HIVEP1: variants seen among roughly 807,000 people sequenced by gnomAD.
HIVEP1 encodes HIVEP zinc finger 1, also known as zinc finger protein 40.
HIVEP1 carries 36 observed loss-of-function variants against 180.0 expected under a neutral mutation model. The observed-to-expected ratio is 0.20, with a 90% confidence interval of 0.15 to 0.26. The LOEUF is 0.26. Among genes scored for constraint, HIVEP1 ranks in the 10% least tolerant of loss-of-function variants. The pLI, the probability that HIVEP1 is intolerant of heterozygous loss-of-function variation, is 1.00. For synonymous variants in HIVEP1, 1,239 were observed against 1,239.0 expected, an observed-to-expected ratio of 1.00 and a Z score of 0.00; for missense variants, 3,143 against 3,268.7, an observed-to-expected ratio of 0.96 and a Z score of 0.94.
chr6:12,099,183 G>GGTTTTTTTTTTTTTTTTTT (rs373744044), intron 3 of HIVEP1, among the ~76,000 whole-genome samples: 8 of 138,458 alleles, frequency 5.8e-5, no homozygotes, highest in African/African-American at 2.2e-4. Context: ...ATGTCACTGA[G>GGTTTTTTTTTTTTTTTTTT]TTTTTTTTTT....
At chr6:12,184,022 TAGACAGACAGACAGAC>T in the HIVEP1 span, among the ~76,000 whole-genome samples, 3,090 of 101,950 alleles carry the variant, frequency 0.03, 104 homozygotes, top group African/African-American at 0.09. Context: ...GATAGATAGA[TAGACAGACAGACAGAC>T]AGACAGACAG....
intron 2 of HIVEP1, among the ~76,000 whole-genome samples, chr6:12,037,381 G>A (rs1277653088): frequency 6.6e-6 from 1 of 152,190 alleles, no homozygotes; most frequent in Non-Finnish European, 1.5e-5. Context: ...GTTTCTTCGT[G>A]TGTTTGCTAC....
Position 12,123,930 on chromosome 6 carries a change from G to A in HIVEP1, c.4135G>A (p.Glu1379Lys), listed in dbSNP as rs746482288. The A allele has an allele frequency of 6.2e-7, 1 of 1,614,116 alleles. No individual in the cohort carries two copies. Among genetic ancestry groups the A allele is most frequent in the Non-Finnish European group, 8.5e-7 (1 of 1,179,980 alleles). ...GATTAATTGCACGCAAACGTCAATG[G>A]AGGTCTCTGATCTCAGAAGCAAATC... is the stretch of plus-strand genomic sequence containing the variant. ...EQINCTQTSMEVSDLRSKSFD... is the reference protein window; with the variant it reads ...EQINCTQTSMKVSDLRSKSFD... Residue 1379 changes from glutamate (E) to lysine (K), a missense_variant, in exon 4 of 9, where the codon GAG becomes AAG. By Grantham distance (56) the Glu-to-Lys change is moderately conservative (BLOSUM62 1). Coordinates refer to ENST00000379388, the MANE Select transcript of HIVEP1 (RefSeq NM_002114.4).
chr6:12,188,160 TAATC>T, the HIVEP1 span, among the ~76,000 whole-genome samples: 2 of 152,172 alleles, frequency 1.3e-5, no homozygotes, highest in East Asian at 3.9e-4. Context: ...AGATATTAGT[TAATC>T]AAACCAAAGT....
At position 12,120,350 on chromosome 6, in the gene HIVEP1, C is replaced by T. The variant is rs1489092274; in HGVS notation, c.555C>T (p.Gly185=). The T allele has an allele frequency of 1.2e-6, 2 of 1,614,128 alleles. No individual in the cohort carries two copies. Among genetic ancestry groups the T allele is most frequent in the Non-Finnish European group, 1.7e-6 (2 of 1,179,962 alleles). ...GCGAATGCATCTCTTCTCATTGTGG[C>T]ACTACGTCCCCCTCCTATACAAACA... ...DNSECISSHC[G]TTSPSYTNTA... The change falls in exon 4 of 9, where the codon GGC becomes GGT. Residue 185 remains glycine (G), a synonymous_variant. Coordinates refer to ENST00000379388, the MANE Select transcript of HIVEP1 (RefSeq NM_002114.4).
intron 2 of HIVEP1, among the ~76,000 whole-genome samples, chr6:12,076,741 A>C (rs951227659): frequency 2.6e-5 from 4 of 152,164 alleles, no homozygotes; most frequent in African/African-American, 9.7e-5. Flanking sequence ...TTGTGGATTA[A>C]GTTTCCAACA....
Position 12,120,311 on chromosome 6 carries a change from C to G in HIVEP1, c.516C>G (p.Thr172=). The part of the protein sequence containing the change: ...QCDSSSLSSK[T]RTDNSECISS... ...ACTCAAGTTCCTTGTCAAGTAAAACCAGGACTGACAATAGCGAATGCATCT... is the reference window on the plus strand; with the variant it reads ...ACTCAAGTTCCTTGTCAAGTAAAACGAGGACTGACAATAGCGAATGCATCT... The change falls in exon 4 of 9, where the codon ACC becomes ACG. Residue 172 remains threonine (T), a synonymous_variant. Coordinates refer to ENST00000379388, the MANE Select transcript of HIVEP1 (RefSeq NM_002114.4). 2 of 1,614,132 alleles carry G rather than the reference C, an allele frequency of 1.2e-6. No individual in the cohort carries two copies. Among genetic ancestry groups the G allele is most frequent in the Non-Finnish European group, 1.7e-6 (2 of 1,180,018 alleles).
chr6:12,110,111 G>C (rs1774788692), intron 3 of HIVEP1, among the ~76,000 whole-genome samples: 1 of 152,246 alleles, frequency 6.6e-6, no homozygotes, highest in Non-Finnish European at 1.5e-5. Context: ...AAAATATTCA[G>C]TAAACCATGC....
At chr6:12,067,054 TG>T (rs1291818994) in intron 2 of HIVEP1, among the ~76,000 whole-genome samples, 2 of 152,186 alleles carry the variant, frequency 1.3e-5, no homozygotes, top group Non-Finnish European at 2.9e-5. Flanking sequence ...GCAGATTTGG[TG>T]GTACATTTTC....
At chr6:12,162,456 T>C (rs1381905917) in intron 8 of HIVEP1, among the ~76,000 whole-genome samples, 1 of 152,230 alleles carries the variant, frequency 6.6e-6, no homozygotes, top group East Asian at 1.9e-4. Context: ...ATCACATTGC[T>C]ACAGCAGCTT....
rs1323519738 is a variant in HIVEP1 at position 12,121,532 on chromosome 6, G to A, written c.1737G>A (p.Lys579=). 1 of 1,614,130 alleles carries A rather than the reference G, an allele frequency of 6.2e-7. No homozygotes were observed. Among genetic ancestry groups the A allele is most frequent in the South Asian group, 1.1e-5 (1 of 91,078 alleles). ...CCCCCTTAAGAACTGACAGTCCAAA[G>A]GCCATGGATCCCAAGCCTGAACTTT... ...TVSPLRTDSP[K]AMDPKPELSS... The change falls in exon 4 of 9, where the codon AAG becomes AAA. Residue 579 remains lysine (K), a synonymous_variant. Transcript: ENST00000379388. This position sits in a 1 kb window ranked among gnomAD's most constrained non-coding sequence, Gnocchi z 5.3.
intron 7 of HIVEP1, among the ~76,000 whole-genome samples, chr6:12,150,130 A>C (rs763112166): frequency 6.6e-6 from 1 of 152,228 alleles, no homozygotes; most frequent in Non-Finnish European, 1.5e-5. Flanking sequence ...AGAAATGCTC[A>C]TGGGAAGCCT....
At chr6:12,105,869 A>C (rs2113421212) in intron 3 of HIVEP1, among the ~76,000 whole-genome samples, 1 of 152,112 alleles carries the variant, frequency 6.6e-6, no homozygotes, top group African/African-American at 2.4e-5. Flanking sequence ...TATTGAACTT[A>C]TTTTGGTACA....
rs755055745 is a variant in HIVEP1, at chr6:12,125,656, A to G, written c.5861A>G (p.His1954Arg). The G allele has an allele frequency of 3.1e-6, 5 of 1,614,174 alleles. No homozygotes were observed. In the Admixed American group the frequency reaches 8.3e-5, roughly 27 times the overall value. ...WCYLLRQKSL[H>R]LPQKDQKTSA... ...TATCTCTTAAGGCAGAAGTCGTTGC[A>G]TTTGCCTCAGAAGGACCAGAAAACT... Residue 1954 changes from histidine (H) to arginine (R), a missense_variant, in exon 4 of 9, where the codon CAT (histidine) becomes CGT (arginine). This residue lies in a region of HIVEP1 where 1,357 missense variants were observed against 1,260.5 expected (regional missense o/e 1.08). Transcript: ENST00000379388.
chr6:12,060,335 GA>G (rs1190514720), intron 2 of HIVEP1, among the ~76,000 whole-genome samples: 3 of 152,144 alleles, frequency 2.0e-5, no homozygotes, highest in Admixed American at 6.5e-5. Context: ...ATATATCTGG[GA>G]AATAAAACTT....
chr6:12,110,966 C>T (rs1365097462), intron 3 of HIVEP1, among the ~76,000 whole-genome samples: 4 of 152,150 alleles, frequency 2.6e-5, no homozygotes, highest in Non-Finnish European at 5.9e-5. Context: ...ATAATTTTAA[C>T]ATTGTTGTGT....
chr6:12,073,227 A>G (rs1772104989), intron 2 of HIVEP1, among the ~76,000 whole-genome samples: 1 of 152,176 alleles, frequency 6.6e-6, no homozygotes, highest in South Asian at 2.1e-4. Flanking sequence ...TGGCTACTCT[A>G]TCCCTGGCAG....
At chr6:12,168,333 AAT>A (rs372362085), downstream of HIVEP1, among the ~76,000 whole-genome samples, 1,630 of 38,260 alleles carry the variant, frequency 0.043, 23 homozygotes, top group Middle Eastern at 0.15. Flanking sequence ...TATATTATAT[AAT>A]TATATATACA....
At chr6:12,169,655 G>T (rs1486941723), downstream of HIVEP1, among the ~76,000 whole-genome samples, 1 of 152,184 alleles carries the variant, frequency 6.6e-6, no homozygotes, top group Non-Finnish European at 1.5e-5. Context: ...AGAATGATTT[G>T]TGTATACAGG....
Sources: gnomAD v4.1 joint callset for allele counts (sites outside exome capture counted in the v4.1 genomes callset) on GRCh38, gnomAD v4.1.1 for gene constraint, gnomAD v4.1.1 regional missense constraint, Gnocchi (gnomAD v3.1) non-coding constraint, MANE v1.5 for transcripts, NCBI Gene and HGNC (gene_info 2026-07-23, HGNC 2026-07-21) for gene names.